The following MCM3 variants were observed in gnomAD, a reference collection of about 807,000 sequenced individuals.
MCM3 encodes the protein minichromosome maintenance complex component 3.
In MCM3, 59 loss-of-function variants were observed where a neutral mutation model predicts 91.3. That is an observed-to-expected ratio of 0.65 (90% CI 0.52 to 0.80). MCM3 has a LOEUF of 0.80. MCM3 is among the 30% of genes least tolerant of loss of function. MCM3 has a pLI of 0.00. For missense variants in MCM3, 919 were observed against 1,035.4 expected, an observed-to-expected ratio of 0.89 and a Z score of 1.54; for synonymous variants, 383 against 379.6, an observed-to-expected ratio of 1.01 and a Z score of -0.10.
At chr6:52,265,236 A>G (rs1348590115) in intron 16 of MCM3, 1 of 408,686 alleles carries the variant, frequency 2.4e-6, no homozygotes. Flanking sequence ...CATCCATACC[A>G]TGGAAACCCT....
intron 16 of MCM3, chr6:52,265,319 C>A (rs1764557088): frequency 2.3e-6 from 1 of 430,900 alleles, no homozygotes; most frequent in South Asian, 1.7e-5. Flanking sequence ...TTGGGAGGCT[C>A]AGGTAGAAGG....
chr6:52,265,323 T>G (rs1390461475), intron 16 of MCM3: 1 of 429,232 alleles, frequency 2.3e-6, no homozygotes, highest in African/African-American at 2.1e-5. Flanking sequence ...GAGGCTCAGG[T>G]AGAAGGACTG....
intron 13 of MCM3, 87 bp downstream of exon 13, chr6:52,268,999 T>C: frequency 1.1e-5 from 16 of 1,406,222 alleles, no homozygotes; most frequent in South Asian, 2.8e-5. Flanking sequence ...AATCCAAATG[T>C]AGCCGTCAGC....
Position 52,264,259 on chromosome 6 carries a change from C to A in MCM3, c.*329G>T. Reference sequence around the variant, plus strand: ...AACAGCAAACAGAAAACAGTTGTGCCCCCAAAAGTACTCAGAAGTCATATG... The same window carrying A: ...AACAGCAAACAGAAAACAGTTGTGCACCCAAAAGTACTCAGAAGTCATATG... On this transcript the variant is annotated 3_prime_UTR_variant, in exon 17 of 17. Coordinates refer to ENST00000596288, the MANE Select transcript of MCM3 (RefSeq NM_002388.6). The A allele has an allele frequency of 3.9e-6, 1 of 254,006 alleles. No homozygotes were observed. Among genetic ancestry groups the A allele is most frequent in the Non-Finnish European group, 7.7e-6 (1 of 129,306 alleles). The allele number at this position is 254,006 out of a possible 1,614,324, so 15.7% of individuals were successfully genotyped here.
intron 4 of MCM3, 70 bp from the exon 5 acceptor site, chr6:52,279,669 T>C (rs994405931): frequency 1.7e-6 from 2 of 1,145,846 alleles, no homozygotes; most frequent in Non-Finnish European, 2.5e-6. Context: ...TCACCTGTCA[T>C]GGCAAATAAG....
rs35565084 is a variant in MCM3 at position 52,270,328 on chromosome 6, CAA to C, written c.1828-1104_1828-1103del. Among the ~76,000 whole-genome samples the C allele has an allele frequency of 9.2e-3, 955 of 103,432 alleles. 11 individuals are homozygous for C. The highest frequency in any genetic ancestry group is 0.019 in the African/African-American group (496 of 26,434). The allele number at this position is 103,432 out of a possible 152,430, so 67.9% of individuals were successfully genotyped here. A position where few individuals can be genotyped will look rare whatever the true frequency, so the allele number is the denominator to read the frequency against. ...TGGGCAACAGAGCGAGATTCCATCT[CAA>C]AAAAAAAAAAAAAAAGAAAAAAAAA... On this transcript the variant is annotated intron_variant, in intron 12 of 16. Transcript: ENST00000596288.
At chr6:52,279,626 A>G in intron 4 of MCM3, 27 bp from the exon 5 acceptor site, 1 of 1,542,204 alleles carries the variant, frequency 6.5e-7, no homozygotes, top group Non-Finnish European at 8.9e-7. Context: ...AGAGGGACAG[A>G]GTGATCTCCG....
At chr6:52,278,401 A>C in intron 6 of MCM3, among the ~76,000 whole-genome samples, 1 of 152,224 alleles carries the variant, frequency 6.6e-6, no homozygotes, top group East Asian at 1.9e-4. Context: ...AAGTTGGAGA[A>C]CTAAAACAAA....
At position 52,266,067 on chromosome 6, in the gene MCM3, G is replaced by A. The variant is rs745336516; in HGVS notation, c.2228+8C>T. 18 of 1,612,828 alleles carry A rather than the reference G, an allele frequency of 1.1e-5. No individual in the cohort carries two copies. The highest frequency in any genetic ancestry group is 8.0e-5 in the African/African-American group (6 of 74,874). Reference sequence around the variant, plus strand: ...TCTTGAAGGGGCAGGAGCAACATCCGTACTCACCTGGATTCACTCAACTCC... The same window carrying A: ...TCTTGAAGGGGCAGGAGCAACATCCATACTCACCTGGATTCACTCAACTCC... On this transcript the variant is annotated splice_region_variant and intron_variant, in intron 16 of 16. Coordinates refer to ENST00000596288, the MANE Select transcript of MCM3 (RefSeq NM_002388.6).
intron 9 of MCM3, 58 bp from the exon 10 acceptor site, chr6:52,273,974 A>C: frequency 1.4e-6 from 2 of 1,381,094 alleles, no homozygotes; most frequent in Non-Finnish European, 2.0e-6. Flanking sequence ...AAAGAACAAC[A>C]AGGCTGCTGC....
intron 4 of MCM3, among the ~76,000 whole-genome samples, chr6:52,280,894 T>G (rs1766032426): frequency 6.6e-6 from 1 of 152,242 alleles, no homozygotes; most frequent in Non-Finnish European, 1.5e-5. Context: ...GATGCTAAAG[T>G]ATGTTTAAGT....
intron 13 of MCM3, 113 bp from the exon 14 acceptor site, chr6:52,268,081 A>G: frequency 8.4e-6 from 12 of 1,430,730 alleles, no homozygotes; most frequent in Non-Finnish European, 8.8e-6. Context: ...CATGTTTCCA[A>G]TGGTTTACCT....
intron 11 of MCM3, 66 bp downstream of exon 11, chr6:52,273,164 T>C: frequency 6.3e-7 from 1 of 1,596,320 alleles, no homozygotes; most frequent in Non-Finnish European, 8.6e-7. Context: ...TAAGCTTAGA[T>C]ATACACATGC....
At position 52,266,625 on chromosome 6, in the gene MCM3, T is replaced by A. The variant is rs1400291819; in HGVS notation, c.2144A>T (p.Glu715Val). The A allele has an allele frequency of 6.2e-7, 1 of 1,613,986 alleles. No homozygotes were observed. The highest frequency in any genetic ancestry group is 8.5e-7 in the Non-Finnish European group (1 of 1,179,976). Residue 715 changes from glutamate (E) to valine (V), a missense_variant, in exon 15 of 17, where the codon GAG (glutamate) becomes GTG (valine). Transcript: ENST00000596288. The part of the protein sequence containing the change: ...YDPYDFSDTE[E>V]EMPQVHTPKT... ...GGCTCACTCACCTTGAGGCATTTCC[T>A]CCTCTGTGTCACTGAAGTCATAGGG...
Position 52,283,325 on chromosome 6 carries a change from G to A in MCM3, c.160C>T (p.Leu54=), listed in dbSNP as rs1232084083. The A allele has an allele frequency of 2.0e-5, 32 of 1,613,976 alleles. No individual in the cohort carries two copies. The highest frequency in any genetic ancestry group is 2.7e-5 in the Non-Finnish European group (32 of 1,180,010). Residue 54 remains leucine (L), a synonymous_variant, in exon 2 of 17, where the codon CTG becomes TTG. Coordinates refer to ENST00000596288, the MANE Select transcript of MCM3 (RefSeq NM_002388.6). ...QYRLIVNVND[L]RRKNEKRANR... ...GCCCTCTTCTCGTTTTTCCTGCGCA[G>A]GTCATTCACATTGACAATCAGCCGG...
chr6:52,274,032 A>T, intron 9 of MCM3, 116 bp from the exon 10 acceptor site: 1 of 736,864 alleles, frequency 1.4e-6, no homozygotes, highest in Non-Finnish European at 2.2e-6. Context: ...AGCAAAACAG[A>T]CAAAAAGCAG....
chr6:52,281,656 A>T (rs751910348), intron 4 of MCM3, among the ~76,000 whole-genome samples: 1 of 151,954 alleles, frequency 6.6e-6, no homozygotes, highest in Non-Finnish European at 1.5e-5. Flanking sequence ...CTCCAGCCTG[A>T]GAGAGACAGA....
intron 14 of MCM3, among the ~76,000 whole-genome samples, chr6:52,267,452 A>G (rs1256448425): frequency 2.0e-5 from 3 of 151,152 alleles, no homozygotes; most frequent in Non-Finnish European, 2.9e-5. Context: ...CTCCATGAAC[A>G]ACCTGACATC....
At chr6:52,277,224 C>T (rs373703746) in intron 7 of MCM3, 26 bp from the exon 8 acceptor site, 9 of 1,602,354 alleles carry the variant, frequency 5.6e-6, no homozygotes, top group Non-Finnish European at 6.8e-6. Context: ...AGTGATGACT[C>T]TCTAGGAAAC....
Sources: gnomAD v4.1 joint callset for allele counts (sites outside exome capture counted in the v4.1 genomes callset) on GRCh38, gnomAD v4.1.1 for gene constraint, MANE v1.5 for transcripts, NCBI Gene and HGNC (gene_info 2026-07-23, HGNC 2026-07-21) for gene names.